The following NELL2 variants were observed in gnomAD, a reference collection of about 807,000 sequenced individuals.
The protein encoded by NELL2 is neural EGFL like 2, also known as protein kinase C-binding protein NELL2.
A neutral mutation model predicts 109.6 loss-of-function variants in NELL2; 41 were observed. The observed-to-expected ratio is 0.37, with a 90% CI of 0.29 to 0.49. NELL2 has a LOEUF of 0.49. NELL2 is among the 20% of genes least tolerant of loss of function. The pLI is 0.98. For missense variants in NELL2, 900 were observed against 1,008.3 expected (o/e 0.89, Z 1.45); for synonymous variants, 355 against 344.7 (o/e 1.03, Z -0.33).
intron 16 of NELL2, among the ~76,000 whole-genome samples, chr12:44,526,310 G>T (rs1351994772): frequency 1.3e-5 from 2 of 152,120 alleles, no homozygotes; most frequent in African/African-American, 4.8e-5. Context: ...GTCTCATAGT[G>T]GTTGGAATGT....
At chr12:44,602,979 T>G (rs11182552) in intron 15 of NELL2, among the ~76,000 whole-genome samples, 73,478 of 151,742 alleles carry the variant, frequency 0.48, 18,777 homozygotes, top group African/African-American at 0.65. Flanking sequence ...TAAAATAAAC[T>G]TAAAAAAAAT....
At position 44,795,835 on chromosome 12, in the gene NELL2, T is replaced by G. The variant is rs541554037; in HGVS notation, c.336-15813A>C. 1.2e-4 allele frequency among the ~76,000 whole-genome samples: 18 copies of G among 152,282 alleles called. No individual in the cohort carries two copies. The South Asian group carries it at 1.5e-3, about 12-fold the overall frequency. The stretch of plus-strand genomic sequence containing the variant: ...GTTTCATCTTGCCACTTCCAGTGAT[T>G]CCCTCACATGTTAAGGGAGATGGGA... On this transcript the variant is annotated intron_variant, in intron 3 of 19. Coordinates refer to ENST00000429094, the MANE Select transcript of NELL2 (RefSeq NM_001145108.2).
intron 2 of NELL2, among the ~76,000 whole-genome samples, chr12:44,834,058 A>C (rs551624430): frequency 3.3e-5 from 5 of 152,222 alleles, no homozygotes; most frequent in Middle Eastern, 3.4e-3. Flanking sequence ...GGGCATTTCC[A>C]CCTCAATACC....
intron 12 of NELL2, among the ~76,000 whole-genome samples, chr12:44,698,523 A>G (rs1949129042): frequency 6.6e-6 from 1 of 152,160 alleles, no homozygotes; most frequent in South Asian, 2.1e-4. Context: ...GTAGGAAGAG[A>G]CAAAGGAGGC....
In NELL2 at chr12:44,788,965, C is replaced by T. The variant is rs769547267; in HGVS notation, c.336-8943G>A. Among the ~76,000 whole-genome samples the T allele has an allele frequency of 6.6e-5, 10 of 152,012 alleles. 1 individual carries two copies. The highest frequency in any genetic ancestry group is 3.9e-4 in the Admixed American group (6 of 15,248). ...CCTCCTAGGTTCACAACTCCATTGACGTGGGAACCTCACCCCCAACCCCCA... is the reference window on the plus strand; with the variant it reads ...CCTCCTAGGTTCACAACTCCATTGATGTGGGAACCTCACCCCCAACCCCCA... On this transcript the variant is annotated intron_variant, in intron 3 of 19. Transcript: ENST00000429094.
intron 13 of NELL2, among the ~76,000 whole-genome samples, chr12:44,640,035 A>G (rs1946792953): frequency 6.6e-6 from 1 of 152,084 alleles, no homozygotes; most frequent in Admixed American, 6.6e-5. Context: ...TCTCTAATGT[A>G]TATCTAATTT....
intron 13 of NELL2, among the ~76,000 whole-genome samples, chr12:44,652,919 T>G (rs548341816): frequency 6.6e-6 from 1 of 152,322 alleles, no homozygotes; most frequent in African/African-American, 2.4e-5. Context: ...CCAGTAAGGT[T>G]GCATGTCTCT....
chr12:44,627,429 C>CAAAA (rs200944318), intron 13 of NELL2, among the ~76,000 whole-genome samples: 2,845 of 139,664 alleles, frequency 0.02, 96 homozygotes, highest in African/African-American at 0.069. Flanking sequence ...GCAGATGTAC[C>CAAAA]AAAAAAAAAA....
chr12:44,798,991 C>A (rs1440397064), intron 3 of NELL2, among the ~76,000 whole-genome samples: 1 of 116,822 alleles, frequency 8.6e-6, no homozygotes, highest in Admixed American at 1.1e-4. Flanking sequence ...CAGAGTCTTG[C>A]TCTGTCACCC....
intron 9 of NELL2, among the ~76,000 whole-genome samples, chr12:44,731,836 C>T (rs1436389805): frequency 1.3e-5 from 2 of 151,912 alleles, no homozygotes; most frequent in Non-Finnish European, 2.9e-5. Context: ...AACCCTGATT[C>T]CACAAAAGAT....
At chr12:44,643,552 G>A (rs1946938983) in intron 13 of NELL2, among the ~76,000 whole-genome samples, 2 of 151,978 alleles carry the variant, frequency 1.3e-5, no homozygotes, top group Non-Finnish European at 2.9e-5. Flanking sequence ...GAGATACTGG[G>A]GGATTTTAAT....
At chr12:44,802,704 T>A (rs1194784536) in intron 3 of NELL2, among the ~76,000 whole-genome samples, 1 of 152,112 alleles carries the variant, frequency 6.6e-6, no homozygotes, top group Non-Finnish European at 1.5e-5. Context: ...AAAGTTTGTG[T>A]TACCATTTTT....
At chr12:44,920,195 G>A (rs1339726316) in intron 1 of NELL2, among the ~76,000 whole-genome samples, 4 of 152,052 alleles carry the variant, frequency 2.6e-5, no homozygotes, top group South Asian at 2.1e-4. Context: ...AATAAACGGG[G>A]TCAAGAAATG....
chr12:44,793,764 A>T (rs1942517787), intron 3 of NELL2, among the ~76,000 whole-genome samples: 1 of 152,362 alleles, frequency 6.6e-6, no homozygotes, highest in Non-Finnish European at 1.5e-5. Context: ...ACTCAATAAC[A>T]TTAGCTATCA....
intron 2 of NELL2, among the ~76,000 whole-genome samples, chr12:44,834,518 G>A (rs1346455340): frequency 6.8e-6 from 1 of 146,018 alleles, no homozygotes; most frequent in Non-Finnish European, 1.5e-5. Context: ...ACAAACATAC[G>A]CTATGTACAG....
At chr12:44,777,392 G>C in intron 5 of NELL2, 78 bp from the exon 6 acceptor site, 1 of 1,156,664 alleles carries the variant, frequency 8.6e-7, no homozygotes, top group Non-Finnish European at 1.3e-6. Context: ...GTTCATGAAG[G>C]AAAATATTAC....
At chr12:44,510,763 C>T (rs1057346966) in intron 19 of NELL2, among the ~76,000 whole-genome samples, 8 of 152,136 alleles carry the variant, frequency 5.3e-5, no homozygotes, top group Admixed American at 3.3e-4. Context: ...CAGAACTGTT[C>T]GATTGAGACT....
At chr12:44,820,466 A>C (rs1193993333) in intron 2 of NELL2, among the ~76,000 whole-genome samples, 3 of 152,028 alleles carry the variant, frequency 2.0e-5, no homozygotes, top group Non-Finnish European at 4.4e-5. Context: ...AAAATTAGCC[A>C]GGCGTGGTGA....
intron 13 of NELL2, among the ~76,000 whole-genome samples, chr12:44,621,408 C>T (rs1252597376): frequency 6.6e-6 from 1 of 152,158 alleles, no homozygotes; most frequent in Non-Finnish European, 1.5e-5. Flanking sequence ...CTTTTACTAG[C>T]TATGAGGTCT....
Sources: allele counts gnomAD v4.1 joint callset (sites outside exome capture counted in the v4.1 genomes callset), GRCh38; gene constraint gnomAD v4.1.1; transcripts MANE v1.5; gene names NCBI Gene and HGNC (gene_info 2026-07-23, HGNC 2026-07-21).